The following CTNNA3 variants were observed in gnomAD, a reference collection of about 807,000 sequenced individuals.
CTNNA3 encodes catenin alpha 3.
Under a neutral mutation model 95.7 loss-of-function variants are expected in CTNNA3, and 76 were observed. That is an observed-to-expected ratio of 0.79 (90% confidence interval 0.66 to 0.96). The LOEUF (loss-of-function observed/expected upper bound fraction) is 0.96, where lower values mean the gene tolerates loss of function less well. CTNNA3 is among the 40% of genes least tolerant of loss of function. CTNNA3 has a pLI of 0.00. For synonymous variants in CTNNA3, 431 were observed against 374.4 expected (o/e 1.15, Z -1.74); for missense variants, 1,191 against 1,089.8 (o/e 1.09, Z -1.31).
At chr10:66,996,399 AC>A (rs1851340315) in intron 7 of CTNNA3, among the ~76,000 whole-genome samples, 1 of 152,162 alleles carries the variant, frequency 6.6e-6, no homozygotes, top group African/African-American at 2.4e-5. Flanking sequence ...TAATCCTAGC[AC>A]TTTGGGAGGC....
chr10:66,043,150 AAAAAG>A (rs77214994), intron 15 of CTNNA3, among the ~76,000 whole-genome samples: 126 of 149,622 alleles, frequency 8.4e-4, no homozygotes, highest in African/African-American at 3.0e-3. Flanking sequence ...AAAAAAAAAA[AAAAAG>A]AGAGAGAGAG....
intron 7 of CTNNA3, among the ~76,000 whole-genome samples, chr10:67,125,147 T>C (rs973924586): frequency 1.3e-5 from 2 of 152,224 alleles, no homozygotes; most frequent in African/African-American, 4.8e-5. Flanking sequence ...ACTAATTTTA[T>C]GTTGTAAATA....
intron 17 of CTNNA3, among the ~76,000 whole-genome samples, chr10:65,926,000 A>C (rs2077163463): frequency 6.6e-6 from 1 of 150,492 alleles, no homozygotes; most frequent in Non-Finnish European, 1.5e-5. Flanking sequence ...ATATAATCAG[A>C]CATCTTATAT....
chr10:67,196,226 C>T (rs1458326506), intron 6 of CTNNA3, among the ~76,000 whole-genome samples: 2 of 151,812 alleles, frequency 1.3e-5, no homozygotes, highest in Non-Finnish European at 2.9e-5. Flanking sequence ...AGAATAGAAG[C>T]TTTAGATATA....
intron 9 of CTNNA3, among the ~76,000 whole-genome samples, chr10:66,755,237 T>A (rs548514965): frequency 2.6e-5 from 4 of 152,270 alleles, no homozygotes; most frequent in Non-Finnish European, 4.4e-5. Context: ...TCCTTTATAT[T>A]TAATGTCCAG....
chr10:66,459,640 A>C (rs1445902099), intron 11 of CTNNA3, among the ~76,000 whole-genome samples: 2 of 152,234 alleles, frequency 1.3e-5, no homozygotes, highest in Non-Finnish European at 2.9e-5. Flanking sequence ...TGCAAACATC[A>C]TAGTGTGTAC....
At chr10:67,728,910 C>T (rs1008196828) in intron 1 of CTNNA3, among the ~76,000 whole-genome samples, 1 of 152,076 alleles carries the variant, frequency 6.6e-6, no homozygotes, top group Admixed American at 6.6e-5. Flanking sequence ...TCACTACTCA[C>T]TACAGCTAAC....
chr10:67,469,743 G>T (rs187876782), intron 5 of CTNNA3, among the ~76,000 whole-genome samples: 223 of 151,970 alleles, frequency 1.5e-3, no homozygotes, highest in African/African-American at 4.7e-3. Context: ...ATGTACCCCA[G>T]AACTTAAAGT....
intron 6 of CTNNA3, among the ~76,000 whole-genome samples, chr10:67,203,346 C>T (rs1863732421): frequency 6.6e-6 from 1 of 152,164 alleles, no homozygotes. Flanking sequence ...TAACTTTGCT[C>T]CTCATTCGCC....
At chr10:66,996,410 C>T (rs942956213) in intron 7 of CTNNA3, among the ~76,000 whole-genome samples, 4 of 151,970 alleles carry the variant, frequency 2.6e-5, no homozygotes, top group African/African-American at 7.2e-5. Context: ...CTTTGGGAGG[C>T]CGAGACGGGC....
chr10:66,918,420 T>A (rs574162616), intron 7 of CTNNA3, among the ~76,000 whole-genome samples: 1 of 152,310 alleles, frequency 6.6e-6, no homozygotes, highest in East Asian at 1.9e-4. Context: ...GTTCTTCAAA[T>A]CTTAAACTGC....
At chr10:66,295,838 G>A (rs990564337) in intron 12 of CTNNA3, among the ~76,000 whole-genome samples, 2 of 152,202 alleles carry the variant, frequency 1.3e-5, no homozygotes, top group Non-Finnish European at 2.9e-5. Context: ...TCAGGCAGAA[G>A]TCCCAGTCAT....
At chr10:67,551,990 C>T (rs1326568909) in intron 3 of CTNNA3, among the ~76,000 whole-genome samples, 3 of 152,048 alleles carry the variant, frequency 2.0e-5, no homozygotes, top group Non-Finnish European at 4.4e-5. Flanking sequence ...AACGGTGAAG[C>T]AAGTAAGGGA....
intron 7 of CTNNA3, among the ~76,000 whole-genome samples, chr10:67,035,543 A>G (rs1853995708): frequency 6.6e-6 from 1 of 152,186 alleles, no homozygotes. Flanking sequence ...GAATCAGTAA[A>G]TTCTAACTCG....
chr10:66,449,633 C>A (rs1199446448), intron 11 of CTNNA3, among the ~76,000 whole-genome samples: 3 of 152,016 alleles, frequency 2.0e-5, no homozygotes, highest in Admixed American at 1.3e-4. Flanking sequence ...TAAATTATAA[C>A]CTTCAGCAAA....
chr10:67,647,893 T>C (rs1210653835), intron 1 of CTNNA3, among the ~76,000 whole-genome samples: 2 of 151,022 alleles, frequency 1.3e-5, no homozygotes, highest in African/African-American at 4.9e-5. Context: ...TGAGGCAGCC[T>C]ATGCCCATAT....
intron 7 of CTNNA3, among the ~76,000 whole-genome samples, chr10:67,142,970 ATC>A (rs1429229253): frequency 6.6e-6 from 1 of 152,086 alleles, no homozygotes; most frequent in Non-Finnish European, 1.5e-5. Context: ...GCTAAAAATC[ATC>A]TGAGCCTTTA....
intron 2 of CTNNA3, among the ~76,000 whole-genome samples, chr10:67,619,774 G>A (rs1843767110): frequency 6.6e-6 from 1 of 152,110 alleles, no homozygotes; most frequent in South Asian, 2.1e-4. Flanking sequence ...GAAAGCCGAG[G>A]AATTTTTATT....
Position 66,084,154 on chromosome 10 carries a change from A to AAAG in CTNNA3, c.1978-14666_1978-14665insCTT, listed in dbSNP as rs1554842689. 7.2e-3 allele frequency among the ~76,000 whole-genome samples: 1,020 copies of AAAG among 141,228 alleles called. 19 individuals are homozygous for AAAG. Among genetic ancestry groups the AAAG allele is most frequent in the African/African-American group, 0.019 (741 of 39,514 alleles). 92.7% of individuals were successfully genotyped at this position (141,228 alleles called of 152,430 possible). ...TCATCTCAAAAAAAAAAAAGAAAAA[A>AAAG]AAAGAAAAAGAAAAAAAGAAAAGGA... is the stretch of plus-strand genomic sequence containing the variant. On this transcript the variant is annotated intron_variant, in intron 14 of 17. Coordinates refer to ENST00000433211, the MANE Select transcript of CTNNA3 (RefSeq NM_013266.4).
Sources: allele counts gnomAD v4.1 joint callset (sites outside exome capture counted in the v4.1 genomes callset), GRCh38; gene constraint gnomAD v4.1.1; transcripts MANE v1.5; gene names NCBI Gene and HGNC (gene_info 2026-07-23, HGNC 2026-07-21).